The following ZNF37A variants were observed in gnomAD, a reference collection of about 807,000 sequenced individuals.
ZNF37A encodes zinc finger protein 37A.
A neutral mutation model predicts 12.3 loss-of-function variants in ZNF37A; 10 were observed. The observed-to-expected ratio is 0.82, with a 90% CI of 0.50 to 1.38. The LOEUF (loss-of-function observed/expected upper bound fraction) is 1.38, where lower values mean the gene tolerates loss of function less well. ZNF37A is among the 40% of genes most tolerant of loss of function. The probability of loss-of-function intolerance (pLI) is 0.00; values close to 1 mark genes in which losing one functional copy is unlikely to be tolerated. For synonymous variants in ZNF37A, 207 were observed against 223.0 expected (o/e 0.93, Z 0.64); for missense variants, 580 against 651.2 (o/e 0.89, Z 1.19).
rs1398156016 is a variant in ZNF37A at position 38,123,897 on chromosome 10, AG to A, written c.*5061del. The A allele has an allele frequency of 2.0e-5, 3 of 152,220 alleles. No homozygotes were observed. Among genetic ancestry groups the A allele is most frequent in the Non-Finnish European group, 4.4e-5 (3 of 68,032 alleles). 9.4% of individuals were successfully genotyped at this position (152,220 alleles called of 1,614,324 possible). On this transcript the variant is annotated 3_prime_UTR_variant, in exon 8 of 8. Transcript: ENST00000685332. ...CCTCGTGCACTGTGGAAATGTTATT[AG>A]TACAACCACTATGGACAACAATTTG...
intron 5 of ZNF37A, among the ~76,000 whole-genome samples, chr10:38,110,774 A>G (rs191226415): frequency 7.8e-4 from 119 of 152,352 alleles, no homozygotes; most frequent in Admixed American, 1.4e-3. Context: ...AATCAAAACC[A>G]CAATGAGATA....
chr10:38,139,434 C>G, intron 7 of ZNF37A: 1 of 152,172 alleles, frequency 6.6e-6, no homozygotes, highest in East Asian at 1.9e-4. Flanking sequence ...GTGGCATGAT[C>G]TCAGCTCACT....
At chr10:38,132,877 G>C (rs934056080) in intron 7 of ZNF37A, among the ~76,000 whole-genome samples, 2 of 151,454 alleles carry the variant, frequency 1.3e-5, no homozygotes, top group Non-Finnish European at 2.9e-5. Context: ...GAGCACTGAA[G>C]TCACCAGCTA....
rs1360407463 is a variant in ZNF37A at position 38,124,150 on chromosome 10, T to TA, written c.*5319dup. On this transcript the variant is annotated 3_prime_UTR_variant, in exon 8 of 8. Coordinates refer to ENST00000685332, the MANE Select transcript of ZNF37A (RefSeq NM_001324250.3). ...AACACAATGGAGTACTATTCAGCCA[T>TA]AAAAAAGAATGAGATCCTGTCATTT... 2 of 152,062 alleles carry TA rather than the reference T, an allele frequency of 1.3e-5. No individual in the cohort carries two copies. The highest frequency in any genetic ancestry group is 2.9e-5 in the Non-Finnish European group (2 of 68,006). The allele number at this position is 152,062 out of a possible 1,614,324, so 9.4% of individuals were successfully genotyped here. A position where few individuals can be genotyped will look rare whatever the true frequency, so the allele number is the denominator to read the frequency against.
At chr10:38,127,926 C>T (rs764011740), downstream of ZNF37A, among the ~76,000 whole-genome samples, 34 of 152,286 alleles carry the variant, frequency 2.2e-4, no homozygotes, top group Admixed American at 1.1e-3. Flanking sequence ...TGACAATTTA[C>T]GCTGATTTTA....
chr10:38,099,068 G>A (rs2067361537), intron 5 of ZNF37A, among the ~76,000 whole-genome samples: 2 of 152,156 alleles, frequency 1.3e-5, no homozygotes, highest in South Asian at 4.1e-4. Flanking sequence ...CCTAATTGCT[G>A]TGGCTGGAAT....
intron 7 of ZNF37A, chr10:38,143,071 GTCCT>G (rs547951637): frequency 2.2e-4 from 33 of 152,306 alleles, no homozygotes; most frequent in African/African-American, 7.9e-4. Context: ...AGGTTGCTGT[GTCCT>G]TCCTTGAGTC....
At chr10:38,144,771 G>A (rs540929405) in intron 7 of ZNF37A, among the ~76,000 whole-genome samples, 9 of 152,086 alleles carry the variant, frequency 5.9e-5, no homozygotes, top group African/African-American at 2.2e-4. Flanking sequence ...ATTCTTTAAT[G>A]TTCCCAGCAG....
At position 38,119,936 on chromosome 10, in the gene ZNF37A, G is replaced by A. The variant is rs2069593103; in HGVS notation, c.*1099G>A. The A allele has an allele frequency of 6.6e-6, 1 of 152,196 alleles. No homozygotes were observed. Among genetic ancestry groups the A allele is most frequent in the South Asian group, 2.1e-4 (1 of 4,824 alleles). 9.4% of individuals were successfully genotyped at this position (152,196 alleles called of 1,614,324 possible). A position where few individuals can be genotyped will look rare whatever the true frequency, so the allele number is the denominator to read the frequency against. ...TCAATTTGCCTTGTATGCAACTTAT[G>A]AGGATTAGTAGAAGAGAGTGGGTCC... On this transcript the variant is annotated 3_prime_UTR_variant, in exon 8 of 8. Coordinates refer to ENST00000685332, the MANE Select transcript of ZNF37A (RefSeq NM_001324250.3).
intron 7 of ZNF37A, chr10:38,142,542 TC>T (rs1360215143): frequency 6.6e-6 from 1 of 152,212 alleles, no homozygotes; most frequent in Non-Finnish European, 1.5e-5. Flanking sequence ...CAGGTACAAC[TC>T]AGGTACAGGA....
At chr10:38,107,818 A>G (rs182179101) in intron 5 of ZNF37A, among the ~76,000 whole-genome samples, 1 of 152,310 alleles carries the variant, frequency 6.6e-6, no homozygotes, top group Non-Finnish European at 1.5e-5. Flanking sequence ...CTAAATATAT[A>G]TGCACCCAAT....
At position 38,120,874 on chromosome 10, in the gene ZNF37A, G is replaced by A; in HGVS notation, c.*2037G>A. On this transcript the variant is annotated 3_prime_UTR_variant, in exon 8 of 8. Transcript: ENST00000685332. ...GCTAATTTGAGAAGATAATAAGTAG[G>A]ATTTTTGTTTTGTTTTGCATTTTGC... is the stretch of plus-strand genomic sequence containing the variant. 1 of 152,202 alleles carries A rather than the reference G, an allele frequency of 6.6e-6. No individual in the cohort carries two copies. 9.4% of individuals were successfully genotyped at this position (152,202 alleles called of 1,614,324 possible).
rs561488665 is a variant in ZNF37A, at chr10:38,146,827, GAAGACA to G, written c.*20_*25del. Reference sequence around the variant, plus strand: ...TCCAACCGAGCGGCACTAGAGGAATGAAGACAAAGACAAAGACACAGAAATAAAGTG... The same window carrying G: ...TCCAACCGAGCGGCACTAGAGGAATGAAGACAAAGACACAGAAATAAAGTG... On this transcript the variant is annotated 3_prime_UTR_variant, in exon 8 of 8. Transcript: ENST00000638053. 2.0e-3 allele frequency: 808 copies of G among 398,388 alleles called. 4 individuals carry two copies. The highest frequency in any genetic ancestry group is 0.015 in the African/African-American group (717 of 48,704). The allele number at this position is 398,388 out of a possible 1,614,324, so 24.7% of individuals were successfully genotyped here.
intron 7 of ZNF37A, chr10:38,137,407 C>G (rs1266526403): frequency 6.6e-6 from 1 of 152,196 alleles, no homozygotes; most frequent in Non-Finnish European, 1.5e-5. Flanking sequence ...TGTTGGCTTT[C>G]TAAATTCTCT....
rs1158987991 is a variant in ZNF37A at position 38,121,138 on chromosome 10, T to C, written c.*2301T>C. The stretch of plus-strand genomic sequence containing the variant: ...AATACCAGGCTTTTATAAACTTTTC[T>C]AGAAGAAAAAAGATGGAACTTTTCC... On this transcript the variant is annotated 3_prime_UTR_variant, in exon 8 of 8. Coordinates refer to ENST00000685332, the MANE Select transcript of ZNF37A (RefSeq NM_001324250.3). 1 of 151,574 alleles carries C rather than the reference T, an allele frequency of 6.6e-6. No individual in the cohort carries two copies. The highest frequency in any genetic ancestry group is 1.5e-5 in the Non-Finnish European group (1 of 67,952). The allele number at this position is 151,574 out of a possible 1,614,324, so 9.4% of individuals were successfully genotyped here.
intron 7 of ZNF37A, chr10:38,137,496 A>C (rs1245996019): frequency 6.6e-6 from 1 of 152,160 alleles, no homozygotes; most frequent in Middle Eastern, 3.2e-3. Context: ...CAGTTTATGG[A>C]GGTTGGATAA....
chr10:38,118,354 T>G lies in ZNF37A; in HGVS notation c.1203T>G (p.His401Gln). The G allele has an allele frequency of 6.2e-7, 1 of 1,613,612 alleles. No individual in the cohort carries two copies. The highest frequency in any genetic ancestry group is 1.1e-5 in the South Asian group (1 of 91,062). ...TCAGAAAATCAGACCTCATTAAACATCAAAGAATACACACAGGTGAAAAAC... is the reference window on the plus strand; with the variant it reads ...TCAGAAAATCAGACCTCATTAAACAGCAAAGAATACACACAGGTGAAAAAC... The part of the protein sequence containing the change: ...AFLRKSDLIK[H>Q]QRIHTGEKPY... Residue 401 changes from histidine to glutamine, a missense_variant, in exon 8 of 8, where the codon CAT (histidine) becomes CAG (glutamine). Coordinates refer to ENST00000685332, the MANE Select transcript of ZNF37A (RefSeq NM_001324250.3).
At chr10:38,101,186 G>A (rs1030800498) in intron 5 of ZNF37A, among the ~76,000 whole-genome samples, 28 of 151,984 alleles carry the variant, frequency 1.8e-4, no homozygotes, top group African/African-American at 6.5e-4. Flanking sequence ...GTTTGATATA[G>A]TCCAATTTAT....
chr10:38,101,976 T>C (rs1333169004), intron 5 of ZNF37A, among the ~76,000 whole-genome samples: 1 of 151,708 alleles, frequency 6.6e-6, no homozygotes, highest in Non-Finnish European at 1.5e-5. Flanking sequence ...GTGCACACCA[T>C]GACACCTGGC....
Sources: allele counts gnomAD v4.1 joint callset (sites outside exome capture counted in the v4.1 genomes callset), GRCh38; gene constraint gnomAD v4.1.1; transcripts MANE v1.5; gene names NCBI Gene and HGNC (gene_info 2026-07-23, HGNC 2026-07-21).